The following TMPRSS3 variants were observed in gnomAD, a reference collection of about 807,000 sequenced individuals.
TMPRSS3 encodes the protein transmembrane protease serine 3.
TMPRSS3 carries 55 observed loss-of-function variants against 59.6 expected under a neutral mutation model. The ratio of observed to expected loss-of-function variants is 0.92; its 90% confidence interval spans 0.74 to 1.16. TMPRSS3 has a LOEUF of 1.16. Among genes scored for constraint, TMPRSS3 ranks in the 50% most tolerant of loss-of-function variants. The pLI, the probability that TMPRSS3 is intolerant of heterozygous loss-of-function variation, is 0.00. For missense variants in TMPRSS3, 596 were observed against 579.4 expected (o/e 1.03, Z -0.29); for synonymous variants, 257 against 237.7 (o/e 1.08, Z -0.75).
rs2052688516 is a variant in TMPRSS3 at position 42,389,062 on chromosome 21, A to T, written c.206-17T>A. 6.2e-7 allele frequency: 1 copy of T among 1,613,826 alleles called. No individual in the cohort carries two copies. Among genetic ancestry groups the T allele is most frequent in the South Asian group, 1.1e-5 (1 of 91,072 alleles). On this transcript the variant is annotated splice_polypyrimidine_tract_variant and intron_variant, in intron 3 of 12. Coordinates refer to ENST00000644384, the MANE Select transcript of TMPRSS3 (RefSeq NM_001256317.3). Reference sequence around the variant, plus strand: ...CGAAGTGGACTGGGAAAAGGGAGGAAGGCAGGAATTAACCAACAGCTCTTT... The same window carrying T: ...CGAAGTGGACTGGGAAAAGGGAGGATGGCAGGAATTAACCAACAGCTCTTT...
chr21:42,385,598 T>A, intron 5 of TMPRSS3, 64 bp from the exon 6 acceptor site: 1 of 1,597,186 alleles, frequency 6.3e-7, no homozygotes. Flanking sequence ...ATTCAACCGA[T>A]GTGCGAGTCA....
intron 5 of TMPRSS3, among the ~76,000 whole-genome samples, chr21:42,387,732 G>A (rs183618777): frequency 6.6e-6 from 1 of 152,298 alleles, no homozygotes; most frequent in African/African-American, 2.4e-5. Context: ...AGAGCAAAGG[G>A]GAGTAAGGAG....
intron 5 of TMPRSS3, among the ~76,000 whole-genome samples, chr21:42,387,826 G>A (rs1458798757): frequency 6.6e-6 from 1 of 152,218 alleles, no homozygotes; most frequent in East Asian, 1.9e-4. Flanking sequence ...CCCATGCCTA[G>A]GCCAAAACTG....
At chr21:42,390,256 G>A in intron 2 of TMPRSS3, 1 of 566,522 alleles carries the variant, frequency 1.8e-6, no homozygotes, top group Non-Finnish European at 3.2e-6. Context: ...CATGGGGGAT[G>A]AGGGGATGTG....
rs1196190784 is a variant in TMPRSS3 at position 42,373,675 on chromosome 21, C to G, written c.1345-896G>C. 2.0e-5 allele frequency among the ~76,000 whole-genome samples: 3 copies of G among 152,222 alleles called. No homozygotes were observed. In the East Asian group the frequency reaches 5.8e-4, roughly 29 times the overall value. ...CTGTTGATTCTGCTGTGCAGTCACA[C>G]TGGGGCCACGTCGGGGATCTGATGT... On this transcript the variant is annotated intron_variant, in intron 12 of 12. Coordinates refer to ENST00000644384, the MANE Select transcript of TMPRSS3 (RefSeq NM_001256317.3).
Position 42,396,042 on chromosome 21 carries a change from G to A in TMPRSS3, c.-152C>T, listed in dbSNP as rs773269515. On this transcript the variant is annotated 5_prime_UTR_variant, in exon 1 of 13. Transcript: ENST00000644384. Reference sequence around the variant, plus strand: ...AACACAGCCCTTTCCTGGCTCACACGGGCATGACCTAATTAAGAACGAAAG... The same window carrying A: ...AACACAGCCCTTTCCTGGCTCACACAGGCATGACCTAATTAAGAACGAAAG... 1.3e-5 allele frequency: 7 copies of A among 518,820 alleles called. No homozygotes were observed. Among genetic ancestry groups the A allele is most frequent in the African/African-American group, 5.8e-5 (3 of 51,922 alleles). 32.1% of individuals were successfully genotyped at this position (518,820 alleles called of 1,614,324 possible).
chr21:42,382,295 C>A (rs185821453), intron 8 of TMPRSS3, 61 bp from the exon 9 acceptor site: 1 of 1,458,560 alleles, frequency 6.9e-7, no homozygotes, highest in Admixed American at 1.8e-5. Flanking sequence ...ACTCATTGAC[C>A]TCAGGTATCC....
intron 10 of TMPRSS3, among the ~76,000 whole-genome samples, chr21:42,377,598 TGCA>T (rs2052452677): frequency 1.3e-5 from 2 of 152,226 alleles, no homozygotes; most frequent in Non-Finnish European, 2.9e-5. Flanking sequence ...TTAATCCACG[TGCA>T]GTGGGCCAAG....
Position 42,372,546 on chromosome 21 carries a change from C to T in TMPRSS3, c.*216G>A, listed in dbSNP as rs748659120. 85 of 681,792 alleles carry T rather than the reference C, an allele frequency of 1.2e-4. No individual in the cohort carries two copies. Among genetic ancestry groups the T allele is most frequent in the Non-Finnish European group, 1.5e-4 (57 of 370,478 alleles). The allele number at this position is 681,792 out of a possible 1,614,324, so 42.2% of individuals were successfully genotyped here. On this transcript the variant is annotated 3_prime_UTR_variant, in exon 13 of 13. Transcript: ENST00000644384. Reference sequence around the variant, plus strand: ...CTGCACTCCAGCCTGGGCAACAGAGCGAGACTCCATCTCAAAAAAACAAAA... The same window carrying T: ...CTGCACTCCAGCCTGGGCAACAGAGTGAGACTCCATCTCAAAAAAACAAAA...
intron 5 of TMPRSS3, among the ~76,000 whole-genome samples, chr21:42,386,651 C>T (rs1325059328): frequency 6.6e-6 from 1 of 152,210 alleles, no homozygotes; most frequent in Non-Finnish European, 1.5e-5. Flanking sequence ...TTCAGTTCCC[C>T]TCCAAGTACG....
intron 8 of TMPRSS3, 57 bp downstream of exon 8, chr21:42,382,976 A>T: frequency 6.2e-7 from 1 of 1,607,978 alleles, no homozygotes; most frequent in Non-Finnish European, 8.5e-7. Context: ...AAGCAGCCCC[A>T]CCCTGACATG....
chr21:42,392,027 T>A (rs975157500), intron 2 of TMPRSS3, among the ~76,000 whole-genome samples: 63 of 152,160 alleles, frequency 4.1e-4, no homozygotes, highest in African/African-American at 1.5e-3. Context: ...AATGCCCAAG[T>A]TGTCTTTGTT....
intron 10 of TMPRSS3, 86 bp from the exon 11 acceptor site, chr21:42,376,769 G>A: frequency 1.9e-6 from 3 of 1,594,278 alleles, no homozygotes; most frequent in Non-Finnish European, 2.6e-6. Context: ...AGGGGGGTGA[G>A]GGAACGAGGG....
At chr21:42,386,063 G>A (rs928201504) in intron 5 of TMPRSS3, among the ~76,000 whole-genome samples, 6 of 152,252 alleles carry the variant, frequency 3.9e-5, no homozygotes, top group Admixed American at 6.5e-5. Context: ...GCGATTCCAC[G>A]AACACCAGAG....
intron 9 of TMPRSS3, 146 bp from the exon 10 acceptor site, chr21:42,380,358 T>C (rs2052505683): frequency 8.3e-6 from 6 of 722,622 alleles, no homozygotes; most frequent in Admixed American, 8.1e-5. Context: ...AACGATCAGC[T>C]CACAGCAGGA....
chr21:42,382,841 G>A (rs1233872916), intron 8 of TMPRSS3, 192 bp downstream of exon 8: 3 of 686,452 alleles, frequency 4.4e-6, no homozygotes, highest in South Asian at 1.7e-5. Context: ...AACAAGCTCA[G>A]GGTCACAAGT....
In TMPRSS3 at chr21:42,375,879, G is replaced by A. The variant is rs1341081837; in HGVS notation, c.1192-11C>T. The stretch of plus-strand genomic sequence containing the variant: ...CCCCCCGCTGTCCCCCTGGGTGACA[G>A]GAAAGAAGCAAAGATTGGGGGACAG... On this transcript the variant is annotated splice_polypyrimidine_tract_variant and intron_variant, in intron 11 of 12. Coordinates refer to ENST00000644384, the MANE Select transcript of TMPRSS3 (RefSeq NM_001256317.3). 3.7e-6 allele frequency: 6 copies of A among 1,613,396 alleles called. No homozygotes were observed. Among genetic ancestry groups the A allele is most frequent in the South Asian group, 1.1e-5 (1 of 91,078 alleles).
At chr21:42,378,140 G>T (rs139660745) in intron 10 of TMPRSS3, among the ~76,000 whole-genome samples, 1,645 of 152,368 alleles carry the variant, frequency 0.011, 29 homozygotes, top group African/African-American at 0.038. Context: ...CACTGGCACA[G>T]AACTGGGCCT....
intron 2 of TMPRSS3, among the ~76,000 whole-genome samples, chr21:42,393,330 G>C (rs2052758644): frequency 6.6e-6 from 1 of 152,184 alleles, no homozygotes; most frequent in Non-Finnish European, 1.5e-5. Flanking sequence ...ACTTCACAAT[G>C]ATTCACATGA....
Sources: allele counts gnomAD v4.1 joint callset (sites outside exome capture counted in the v4.1 genomes callset), GRCh38; gene constraint gnomAD v4.1.1; transcripts MANE v1.5; gene names NCBI Gene and HGNC (gene_info 2026-07-23, HGNC 2026-07-21).